USP3: variants seen among roughly 807,000 people sequenced by gnomAD.
The protein encoded by USP3 is ubiquitin specific peptidase 3, also known as ubiquitin carboxyl-terminal hydrolase 3.
Under a neutral mutation model 72.3 loss-of-function variants are expected in USP3, and 20 were observed. The ratio of observed to expected loss-of-function variants is 0.28; its 90% CI spans 0.19 to 0.40. The LOEUF (loss-of-function observed/expected upper bound fraction) is 0.40. Ranked by LOEUF, USP3 falls within the 10% of genes least tolerant of loss-of-function variation. The pLI, the probability that USP3 is intolerant of heterozygous loss-of-function variation, is 1.00. For synonymous variants in USP3, 222 were observed against 225.3 expected (o/e 0.99, Z 0.13); for missense variants, 479 against 633.9 (o/e 0.76, Z 2.62).
rs1042368308 is a variant in USP3, at chr15:63,590,564, G to A, written c.1398-97G>A. 2.1e-5 allele frequency: 25 copies of A among 1,163,954 alleles called. 1 individual carries two copies. The African/African-American group carries it at 3.0e-4, about 14-fold the overall frequency. 72.1% of individuals were successfully genotyped at this position (1,163,954 alleles called of 1,614,324 possible). ...GCATCTTAAATCAAAAGTCTAGGAT[G>A]TATTCTTATTAAAATTTAAATCTAA... is the stretch of plus-strand genomic sequence containing the variant. On this transcript the variant is annotated intron_variant, in intron 14 of 14. Transcript: ENST00000380324.
chr15:63,564,854 C>T (rs984523401), intron 8 of USP3, among the ~76,000 whole-genome samples: 1 of 152,304 alleles, frequency 6.6e-6, no homozygotes, highest in Non-Finnish European at 1.5e-5. Context: ...CAGTTTTTCT[C>T]TTGGTCAGAT....
At chr15:63,560,985 T>C (rs957322099) in intron 7 of USP3, among the ~76,000 whole-genome samples, 6 of 152,040 alleles carry the variant, frequency 3.9e-5, no homozygotes, top group Non-Finnish European at 8.8e-5. Flanking sequence ...ACTGAACATG[T>C]CAGAATAATG....
intron 11 of USP3, among the ~76,000 whole-genome samples, chr15:63,586,015 T>C (rs2067053307): frequency 6.6e-6 from 1 of 152,226 alleles, no homozygotes; most frequent in South Asian, 2.1e-4. Context: ...AGTCTTCCTA[T>C]CCATGAATAC....
rs1156590349 is a variant in USP3 at position 63,594,471 on chromosome 15, G to A, written c.*3645G>A. 3 of 152,132 alleles carry A rather than the reference G, an allele frequency of 2.0e-5. No individual in the cohort carries two copies. Among genetic ancestry groups the A allele is most frequent in the Admixed American group, 6.6e-5 (1 of 15,266 alleles). The allele number at this position is 152,132 out of a possible 1,614,324, so 9.4% of individuals were successfully genotyped here. On this transcript the variant is annotated 3_prime_UTR_variant, in exon 15 of 15. Coordinates refer to ENST00000380324, the MANE Select transcript of USP3 (RefSeq NM_006537.4). ...TCTAGACTGCCTTCCATGAGTGTTG[G>A]TCATGCTATGATGTCATCATTTGCC...
In USP3 at chr15:63,588,792, G is replaced by A. The variant is rs1305559563; in HGVS notation, c.1306G>A (p.Asp436Asn). The A allele has an allele frequency of 6.2e-7, 1 of 1,613,980 alleles. No homozygotes were observed. Among genetic ancestry groups the A allele is most frequent in the Non-Finnish European group, 8.5e-7 (1 of 1,179,962 alleles). ...CGTAGAATTTCCACTGAGAGGCCTA[G>A]ACATGAAATGCTACTTACTAGAGGT... ...TYVEFPLRGL[D>N]MKCYLLEPEN... Residue 436 changes from aspartate to asparagine, a missense_variant, in exon 13 of 15, where the codon GAC becomes AAC. By Grantham distance (23) the Asp-to-Asn change is conservative. Coordinates refer to ENST00000380324, the MANE Select transcript of USP3 (RefSeq NM_006537.4). The surrounding 1 kb of genome is among the most constrained non-coding windows in gnomAD (Gnocchi z 4.6).
intron 1 of USP3, among the ~76,000 whole-genome samples, chr15:63,514,657 A>G (rs574306649): frequency 1.8e-4 from 28 of 152,156 alleles, no homozygotes; most frequent in African/African-American, 6.0e-4. Flanking sequence ...TTGTTCTCCA[A>G]GGAAAGTCTT....
chr15:63,547,817 AGAGAGAGAGAGAGAGAGAGGGAGGGAGG>A (rs1389113776), intron 3 of USP3, among the ~76,000 whole-genome samples: 3 of 50,128 alleles, frequency 6.0e-5, no homozygotes, highest in African/African-American at 2.1e-4. Context: ...AGAGAGGCAT[AGAGAGAGAGAGAGAGAGAGGGAGGGAGG>A]GAGAGAGAGA....
At chr15:63,515,383 A>G (rs746547842) in intron 1 of USP3, 2 of 152,258 alleles carry the variant, frequency 1.3e-5, no homozygotes, top group Non-Finnish European at 1.5e-5. Context: ...TAAGGAATCC[A>G]TTTAAAAATA....
chr15:63,504,620 C>T lies in USP3; in HGVS notation c.-120C>T. On this transcript the variant is annotated 5_prime_UTR_variant, in exon 1 of 15. Coordinates refer to ENST00000380324, the MANE Select transcript of USP3 (RefSeq NM_006537.4). Reference sequence around the variant, plus strand: ...TTCTTTGACGCAAGGGCTCGAGACGCAGCCGCCGTCGGCCGAGCGCCCGGC... The same window carrying T: ...TTCTTTGACGCAAGGGCTCGAGACGTAGCCGCCGTCGGCCGAGCGCCCGGC... 3.7e-6 allele frequency: 3 copies of T among 817,772 alleles called. No homozygotes were observed. The highest frequency in any genetic ancestry group is 5.4e-6 in the Non-Finnish European group (3 of 557,254). 50.7% of individuals were successfully genotyped at this position (817,772 alleles called of 1,614,324 possible).
rs147556717 is a variant in USP3 at position 63,543,101 on chromosome 15, A to G, written c.284+5945A>G. ...GGAAATGACCAAGCAAAAATATTCAACAGAATGACAAAACTATTGGTTACA... is the reference window on the plus strand; with the variant it reads ...GGAAATGACCAAGCAAAAATATTCAGCAGAATGACAAAACTATTGGTTACA... On this transcript the variant is annotated intron_variant, in intron 3 of 14. Coordinates refer to ENST00000380324, the MANE Select transcript of USP3 (RefSeq NM_006537.4). Among the ~76,000 whole-genome samples the G allele has an allele frequency of 2.9e-3, 445 of 152,300 alleles. 2 individuals are homozygous for G. The highest frequency in any genetic ancestry group is 4.8e-3 in the Non-Finnish European group (324 of 67,998).
chr15:63,552,628 G>A (rs2066452588), intron 3 of USP3, among the ~76,000 whole-genome samples: 1 of 152,140 alleles, frequency 6.6e-6, no homozygotes, highest in Non-Finnish European at 1.5e-5. Flanking sequence ...TGTAGTGACA[G>A]TTTTGAGAAG....
At chr15:63,509,065 A>G (rs2065749528) in intron 1 of USP3, among the ~76,000 whole-genome samples, 1 of 152,190 alleles carries the variant, frequency 6.6e-6, no homozygotes, top group Admixed American at 6.5e-5. Context: ...ATAAATTTGT[A>G]ATGGACTGAT....
rs2067246368 is a variant in USP3, at chr15:63,593,782, G to A, written c.*2956G>A. ...AAAGCTGATCTTTTGTCCTCTTCAG[G>A]GCTTTTCCCTTGTGCCATGTTGTCT... On this transcript the variant is annotated 3_prime_UTR_variant, in exon 15 of 15. Coordinates refer to ENST00000380324, the MANE Select transcript of USP3 (RefSeq NM_006537.4). 1 of 152,212 alleles carries A rather than the reference G, an allele frequency of 6.6e-6. No individual in the cohort carries two copies. The highest frequency in any genetic ancestry group is 1.5e-5 in the Non-Finnish European group (1 of 68,046). The allele number at this position is 152,212 out of a possible 1,614,324, so 9.4% of individuals were successfully genotyped here.
At chr15:63,584,782 A>G (rs148966832) in intron 11 of USP3, among the ~76,000 whole-genome samples, 77 of 152,112 alleles carry the variant, frequency 5.1e-4, no homozygotes, top group Middle Eastern at 3.4e-3. Flanking sequence ...CAGCTTATCT[A>G]TTTTTTCTTT....
intron 2 of USP3, among the ~76,000 whole-genome samples, chr15:63,534,503 G>A (rs2066125768): frequency 1.3e-5 from 2 of 152,118 alleles, no homozygotes; most frequent in African/African-American, 2.4e-5. Context: ...CTCTTGTGCT[G>A]TAGACCAAAA....
In USP3 at chr15:63,574,298, CTGT is replaced by C; in HGVS notation, c.1016-23_1016-21del. 1 of 1,559,464 alleles carries C rather than the reference CTGT, an allele frequency of 6.4e-7. No individual in the cohort carries two copies. Among genetic ancestry groups the C allele is most frequent in the Non-Finnish European group, 8.6e-7 (1 of 1,156,572 alleles). On this transcript the variant is annotated intron_variant, in intron 10 of 14. Coordinates refer to ENST00000380324, the MANE Select transcript of USP3 (RefSeq NM_006537.4). This position sits in a 1 kb window ranked among gnomAD's most constrained non-coding sequence, Gnocchi z 4.6. ...GGACATATATGCCTTTAACAGCTCT[CTGT>C]TTACCTCTCTCTCCTTTTAAGACCT...
chr15:63,556,815 C>G, intron 5 of USP3, 67 bp downstream of exon 5: 1 of 1,114,398 alleles, frequency 9.0e-7, no homozygotes, highest in Non-Finnish European at 1.3e-6. Flanking sequence ...TGTTACAACT[C>G]TAACATGTAA....
intron 8 of USP3, among the ~76,000 whole-genome samples, chr15:63,566,906 A>G (rs1016776165): frequency 6.6e-5 from 10 of 152,214 alleles, no homozygotes; most frequent in Non-Finnish European, 2.9e-5. Context: ...CAACTTTAGA[A>G]TTCTTTTTTT....
intron 1 of USP3, among the ~76,000 whole-genome samples, chr15:63,523,526 G>C (rs1051425290): frequency 7.2e-5 from 11 of 152,198 alleles, no homozygotes; most frequent in African/African-American, 2.7e-4. Flanking sequence ...GTATAAAAGA[G>C]GGAAGGAATT....
Sources: allele counts gnomAD v4.1 joint callset (sites outside exome capture counted in the v4.1 genomes callset), GRCh38; gene constraint gnomAD v4.1.1; non-coding constraint Gnocchi (gnomAD v3.1); transcripts MANE v1.5; gene names NCBI Gene and HGNC (gene_info 2026-07-23, HGNC 2026-07-21).